Variants in ENO4 observed in about 807,000 individuals in gnomAD.
ENO4 encodes the protein 2-phospho-D-glycerate hydro-lyase.
A neutral mutation model predicts 63.2 loss-of-function variants in ENO4; 53 were observed. The observed-to-expected ratio is 0.84, with a 90% confidence interval of 0.67 to 1.05. The LOEUF (loss-of-function observed/expected upper bound fraction) is 1.05. Among genes scored for constraint, ENO4 ranks in the 50% least tolerant of loss-of-function variants. The pLI, the probability that ENO4 is intolerant of heterozygous loss-of-function variation, is 0.00. For synonymous variants in ENO4, 266 were observed against 283.8 expected (o/e 0.94, Z 0.63); for missense variants, 719 against 772.0 (o/e 0.93, Z 0.81).
At chr10:116,902,740 T>G (rs1349003606) in intron 10 of ENO4, among the ~76,000 whole-genome samples, 1 of 152,194 alleles carries the variant, frequency 6.6e-6, no homozygotes, top group Admixed American at 6.5e-5. Flanking sequence ...AAAACAAAGA[T>G]AAGTCACAAA....
intron 11 of ENO4, among the ~76,000 whole-genome samples, chr10:116,878,825 G>T (rs1371699489): frequency 1.4e-5 from 2 of 143,980 alleles, no homozygotes; most frequent in African/African-American, 2.6e-5. Flanking sequence ...CTCACTGCAA[G>T]CTCTGCCTCC....
chr10:116,899,546 T>TGTGTGTGTGTGTGA (rs1311755308), intron 10 of ENO4, among the ~76,000 whole-genome samples: 34 of 123,890 alleles, frequency 2.7e-4, no homozygotes, highest in African/African-American at 9.0e-4. Flanking sequence ...TGTGTGTGTG[T>TGTGTGTGTGTGTGA]GAGAGAGTGC....
chr10:116,875,973 ATG>A lies in ENO4; in HGVS notation c.1342-87_1342-86del, dbSNP rs761566515. On this transcript the variant is annotated intron_variant, in intron 10 of 13. Transcript: ENST00000341276. ...AATTGTTTTGTGCATCTCAGGAAAA[ATG>A]TGTGAGCTTGAGTATGTGCTATATT... 3.5e-4 allele frequency: 344 copies of A among 974,210 alleles called. 1 individual carries two copies. The highest frequency in any genetic ancestry group is 4.7e-4 in the Non-Finnish European group (333 of 709,074). The allele number at this position is 974,210 out of a possible 1,614,324, so 60.3% of individuals were successfully genotyped here.
intron 10 of ENO4, among the ~76,000 whole-genome samples, chr10:116,910,107 C>T (rs538713482): frequency 9.9e-5 from 15 of 152,080 alleles, no homozygotes; most frequent in Non-Finnish European, 1.8e-4. Context: ...TTTTATCTTT[C>T]TTATAAGAAT....
At chr10:116,850,839 T>C (rs1846058890) in intron 1 of ENO4, among the ~76,000 whole-genome samples, 1 of 152,162 alleles carries the variant, frequency 6.6e-6, no homozygotes, top group Admixed American at 6.5e-5. Context: ...GCCAGTGCAA[T>C]TTAAATGATT....
intron 2 of ENO4, 38 bp downstream of exon 2, chr10:116,855,789 C>T (rs372327990): frequency 2.0e-6 from 3 of 1,488,014 alleles, no homozygotes; most frequent in African/African-American, 1.4e-5. Context: ...AATGTCCTGG[C>T]CCCACTGCAT....
chr10:116,885,197 A>G (rs908158566), downstream of ENO4: 2 of 152,666 alleles, frequency 1.3e-5, no homozygotes, highest in South Asian at 2.1e-4. Flanking sequence ...CCTGACAGCT[A>G]CATGCTGAGC....
downstream of ENO4, chr10:116,886,291 T>C (rs1303053239): frequency 1.3e-6 from 2 of 1,550,710 alleles, no homozygotes; most frequent in Non-Finnish European, 1.7e-6. Flanking sequence ...ACAACACTAA[T>C]CATGTGCTTA....
downstream of ENO4, chr10:116,882,821 T>C (rs1564856389): frequency 1.3e-5 from 2 of 152,170 alleles, no homozygotes; most frequent in African/African-American, 2.4e-5. Flanking sequence ...TTGGTATCAC[T>C]CTAAGTTGGA....
intron 10 of ENO4, among the ~76,000 whole-genome samples, chr10:116,903,944 A>T (rs1847856232): frequency 6.6e-6 from 1 of 152,196 alleles, no homozygotes; most frequent in Admixed American, 6.5e-5. Flanking sequence ...TGCTCTTTGA[A>T]ATGTCAGTTT....
chr10:116,862,814 A>G lies in ENO4; in HGVS notation c.952A>G (p.Met318Val), dbSNP rs1199658019. ...CTACTTACAGGGTGTCGAGATGCTT[A>G]TGGAAATGCAGAAACATATCAACAA... ...LTTKQGVEML[M>V]EMQKHINKII... Residue 318 changes from methionine (M) to valine (V), a missense_variant, in exon 7 of 14, where the codon ATG becomes GTG. This residue lies in a region of ENO4 where 544 missense variants were observed against 583.6 expected (regional missense o/e 0.93). Transcript: ENST00000341276. The G allele has an allele frequency of 6.5e-7, 1 of 1,549,820 alleles. No homozygotes were observed. The highest frequency in any genetic ancestry group is 8.7e-7 in the Non-Finnish European group (1 of 1,146,308).
intron 7 of ENO4, among the ~76,000 whole-genome samples, chr10:116,865,502 A>G (rs1348230691): frequency 6.6e-6 from 1 of 152,186 alleles, no homozygotes; most frequent in Non-Finnish European, 1.5e-5. Flanking sequence ...TATATACGGT[A>G]GACCTATTTT....
At chr10:116,878,944 C>T (rs953640051) in intron 11 of ENO4, among the ~76,000 whole-genome samples, 2 of 151,896 alleles carry the variant, frequency 1.3e-5, no homozygotes, top group East Asian at 1.9e-4. Context: ...GGGGTTTCAC[C>T]GTGTTAGCCA....
At chr10:116,878,936 G>A (rs191307178) in intron 11 of ENO4, among the ~76,000 whole-genome samples, 4 of 151,846 alleles carry the variant, frequency 2.6e-5, no homozygotes, top group Non-Finnish European at 5.9e-5. Context: ...GTAGAGACGG[G>A]GTTTCACCGT....
In ENO4 at chr10:116,881,670, G is replaced by A; in HGVS notation, c.*1G>A. On this transcript the variant is annotated 3_prime_UTR_variant, in exon 14 of 14. Coordinates refer to ENST00000341276, the MANE Select transcript of ENO4 (RefSeq NM_001242699.2). ...CGAAACAGGAGCATCCTCTGGATAGGGCTGTACACACCCCAGGTTCCAGCC... is the reference window on the plus strand; with the variant it reads ...CGAAACAGGAGCATCCTCTGGATAGAGCTGTACACACCCCAGGTTCCAGCC... 1 of 1,513,282 alleles carries A rather than the reference G, an allele frequency of 6.6e-7. No homozygotes were observed. Among genetic ancestry groups the A allele is most frequent in the Non-Finnish European group, 8.9e-7 (1 of 1,127,954 alleles). The allele number at this position is 1,513,282 out of a possible 1,614,324, so 93.7% of individuals were successfully genotyped here.
At chr10:116,910,224 G>C (rs533069193) in intron 10 of ENO4, among the ~76,000 whole-genome samples, 2 of 152,224 alleles carry the variant, frequency 1.3e-5, no homozygotes, top group East Asian at 1.9e-4. Context: ...CAGAGAGTAG[G>C]GGAGAGGATC....
At chr10:116,851,753 C>T (rs1385315116) in intron 1 of ENO4, among the ~76,000 whole-genome samples, 1 of 152,054 alleles carries the variant, frequency 6.6e-6, no homozygotes. Context: ...ATCTCCCACT[C>T]CCTGCCCTCC....
chr10:116,866,559 C>G (rs1352480406), intron 7 of ENO4, among the ~76,000 whole-genome samples: 3 of 152,148 alleles, frequency 2.0e-5, no homozygotes, highest in African/African-American at 7.2e-5. Flanking sequence ...TGTGGTAGCA[C>G]ATGCCTATAA....
chr10:116,858,933 TCA>T, intron 3 of ENO4, 55 bp from the exon 4 acceptor site: 1 of 1,223,676 alleles, frequency 8.2e-7, no homozygotes, highest in Non-Finnish European at 1.1e-6. Context: ...ATGACCAAAA[TCA>T]CAGAGTGATA....
Sources: gnomAD v4.1 joint callset for allele counts (sites outside exome capture counted in the v4.1 genomes callset) on GRCh38, gnomAD v4.1.1 for gene constraint, gnomAD v4.1.1 regional missense constraint, MANE v1.5 for transcripts, NCBI Gene and HGNC (gene_info 2026-07-23, HGNC 2026-07-21) for gene names.